SCRIB: variants seen among roughly 807,000 people sequenced by gnomAD.
SCRIB encodes the protein protein scribble homolog.
A neutral mutation model predicts 170.0 loss-of-function variants in SCRIB; 72 were observed. The observed-to-expected ratio is 0.42, with a 90% CI of 0.35 to 0.52. The LOEUF (loss-of-function observed/expected upper bound fraction) is 0.52. Among genes scored for constraint, SCRIB ranks in the 20% least tolerant of loss-of-function variants. SCRIB has a pLI of 0.02. For synonymous variants in SCRIB, 1,298 were observed against 1,044.3 expected, an observed-to-expected ratio of 1.24 and a Z score of -4.68; for missense variants, 2,475 against 2,338.5, an observed-to-expected ratio of 1.06 and a Z score of -1.20.
chr8:143,798,347 C>T (rs1815029303), intron 24 of SCRIB, among the ~76,000 whole-genome samples: 2 of 138,258 alleles, frequency 1.4e-5, no homozygotes, highest in Non-Finnish European at 3.4e-5. Flanking sequence ...AGCAAAACCA[C>T]AGAATGATCT....
rs142132672 is a variant in SCRIB, at chr8:143,792,632, C to G, written c.4181G>C (p.Arg1394Thr). Residue 1394 changes from arginine to threonine, a missense_variant, in exon 31 of 37, where the codon AGA (arginine) becomes ACA (threonine). Transcript: ENST00000356994. ...CTGCGCTCTCTTCTGCTGTAGTTTTCTGGCTGCCGGAGGGCAGGGTGGGTC... is the reference window on the plus strand; with the variant it reads ...CTGCGCTCTCTTCTGCTGTAGTTTTGTGGCTGCCGGAGGGCAGGGTGGGTC... ...DLRKMQEEEARKLQQKRAQML... is the reference protein window; with the variant it reads ...DLRKMQEEEATKLQQKRAQML... The G allele has an allele frequency of 8.8e-6, 14 of 1,594,014 alleles. No individual in the cohort carries two copies. The highest frequency in any genetic ancestry group is 1.1e-5 in the Non-Finnish European group (13 of 1,177,600).
At chr8:143,796,232 C>T (rs555911640) in intron 24 of SCRIB, among the ~76,000 whole-genome samples, 4 of 152,148 alleles carry the variant, frequency 2.6e-5, no homozygotes, top group Non-Finnish European at 5.9e-5. Context: ...GAGCTGACTT[C>T]CAAGCCTGCG....
chr8:143,805,464 A>G (rs782719566), intron 18 of SCRIB, 29 bp from the exon 19 acceptor site: 1 of 1,450,332 alleles, frequency 6.9e-7, no homozygotes, highest in Non-Finnish European at 9.1e-7. Context: ...GTGCGTATTC[A>G]GGACCCAGTG....
intron 17 of SCRIB, 64 bp downstream of exon 17, chr8:143,806,860 A>AT: frequency 8.7e-7 from 1 of 1,149,934 alleles, no homozygotes; most frequent in Non-Finnish European, 1.3e-6. Context: ...CCTGTGTGCC[A>AT]TCAGTGTGAA....
rs781791451 is a variant in SCRIB, at chr8:143,806,516, A to T, written c.2269-32T>A. ...CACAGACACGAGCTTGGCAGGGGCC[A>T]GGGAGACGGGCCCGCATTCCTGCTC... On this transcript the variant is annotated intron_variant, in intron 17 of 36. Transcript: ENST00000356994. 7.8e-6 allele frequency: 12 copies of T among 1,532,602 alleles called. No homozygotes were observed. The South Asian group carries it at 1.4e-4, about 18-fold the overall frequency. The allele number at this position is 1,532,602 out of a possible 1,614,324, so 94.9% of individuals were successfully genotyped here. A position where few individuals can be genotyped will look rare whatever the true frequency, so the allele number is the denominator to read the frequency against.
At chr8:143,809,250 G>A (rs1250168333) in intron 14 of SCRIB, among the ~76,000 whole-genome samples, 1 of 152,140 alleles carries the variant, frequency 6.6e-6, no homozygotes, top group Non-Finnish European at 1.5e-5. Flanking sequence ...ACGAAGGGGT[G>A]CGCCAAGGCC....
At position 143,792,944 on chromosome 8, in the gene SCRIB, G is replaced by A. The variant is rs75020302; in HGVS notation, c.4017+32C>T. ...GCCCCCGGGCACCCACCCCAACCAC[G>A]CGCAGCAGGGAGGCGTGCTGCCCCC... On this transcript the variant is annotated intron_variant, in intron 29 of 36. Transcript: ENST00000356994. 3.5e-3 allele frequency: 5,222 copies of A among 1,499,982 alleles called. 155 individuals are homozygous for A. The African/African-American group carries it at 0.059, about 17-fold the overall frequency. The allele number at this position is 1,499,982 out of a possible 1,614,324, so 92.9% of individuals were successfully genotyped here. A position where few individuals can be genotyped will look rare whatever the true frequency, so the allele number is the denominator to read the frequency against.
chr8:143,804,004 T>C lies in SCRIB; in HGVS notation c.3120+42A>G, dbSNP rs200228226. ...CGCTGACCTGCGCTGGTACCTGGGATGGGTGCACCTCTCACAGAACCGCCT... is the reference window on the plus strand; with the variant it reads ...CGCTGACCTGCGCTGGTACCTGGGACGGGTGCACCTCTCACAGAACCGCCT... On this transcript the variant is annotated intron_variant, in intron 22 of 36. Transcript: ENST00000356994. The C allele has an allele frequency of 1.9e-3, 2,960 of 1,577,456 alleles. 34 individuals carry two copies. The Middle Eastern group carries it at 0.025, about 13-fold the overall frequency.
chr8:143,796,411 T>C (rs562738643), intron 24 of SCRIB, among the ~76,000 whole-genome samples: 52 of 152,170 alleles, frequency 3.4e-4, no homozygotes, highest in Middle Eastern at 3.4e-3. Context: ...CCCTGTACTG[T>C]TGGTTAAAAA....
intron 24 of SCRIB, among the ~76,000 whole-genome samples, chr8:143,797,505 A>G (rs1017607735): frequency 6.6e-6 from 1 of 152,224 alleles, no homozygotes; most frequent in Non-Finnish European, 1.5e-5. Context: ...ACAGCCTATT[A>G]TATGCTCTCA....
In SCRIB at chr8:143,810,711, G is replaced by A. The variant is rs967230746; in HGVS notation, c.1379C>T (p.Ala460Val). 1.9e-6 allele frequency: 3 copies of A among 1,605,470 alleles called. No individual in the cohort carries two copies. The highest frequency in any genetic ancestry group is 3.3e-5 in the Admixed American group (2 of 59,834). The change falls in exon 12 of 37, where the codon GCT becomes GTT. Residue 460 changes from alanine (A) to valine (V), a missense_variant. By Grantham distance (64) the Ala-to-Val change is moderately conservative. Around this residue, in one of 3 missense-constraint regions of SCRIB, gnomAD observed 1,966 missense variants for 1,742.9 expected, o/e 1.13. Coordinates refer to ENST00000356994, the MANE Select transcript of SCRIB (RefSeq NM_182706.5). Reference protein sequence around the residue: ...FLEAPIGDEDAEEAAAEKRGL... With the variant: ...FLEAPIGDEDVEEAAAEKRGL... ...CCGCTTCTCAGCTGCAGCTTCCTCA[G>A]CGTCCTCATCACCTATGGGGGCCTC...
Position 143,815,414 on chromosome 8 carries a change from G to A in SCRIB, c.-42C>T, listed in dbSNP as rs750194223. ...GCGGGCTCCGGCGGCGGCGCTCGGC[G>A]GGCTCGGGGCCGGGGGGCGGGGCTC... On this transcript the variant is annotated 5_prime_UTR_variant, in exon 1 of 37. Transcript: ENST00000356994. 4.0e-6 allele frequency: 5 copies of A among 1,251,376 alleles called. No individual in the cohort carries two copies. Among genetic ancestry groups the A allele is most frequent in the African/African-American group, 1.6e-5 (1 of 63,732 alleles). 77.5% of individuals were successfully genotyped at this position (1,251,376 alleles called of 1,614,324 possible). A position where few individuals can be genotyped will look rare whatever the true frequency, so the allele number is the denominator to read the frequency against.
At chr8:143,794,607 G>A (rs1468857178) in intron 27 of SCRIB, among the ~76,000 whole-genome samples, 4 of 151,954 alleles carry the variant, frequency 2.6e-5, no homozygotes, top group African/African-American at 9.7e-5. Context: ...TAAGGGGAGG[G>A]ATGGGCCTGC....
At position 143,806,460 on chromosome 8, in the gene SCRIB, C is replaced by T. The variant is rs781807121; in HGVS notation, c.2293G>A (p.Glu765Lys). The change falls in exon 18 of 37, where the codon GAG becomes AAG. Residue 765 changes from glutamate to lysine, a missense_variant. Transcript: ENST00000356994. ...CCAGCCCGGGCCGCAGGGCCTTCCT[C>T]GGACACCCGAGAGATGAATATGCCC... ...DEGIFISRVS[E>K]EGPAARAGVR... The T allele has an allele frequency of 1.4e-5, 23 of 1,603,348 alleles. No homozygotes were observed. Among genetic ancestry groups the T allele is most frequent in the South Asian group, 7.8e-5 (7 of 89,224 alleles).
chr8:143,798,592 C>A (rs1309887300), intron 24 of SCRIB, among the ~76,000 whole-genome samples: 2 of 152,200 alleles, frequency 1.3e-5, no homozygotes, highest in Non-Finnish European at 2.9e-5. Context: ...TGTGCCACCA[C>A]ACTCAGTTAA....
At position 143,792,338 on chromosome 8, in the gene SCRIB, G is replaced by T; in HGVS notation, c.4396C>A (p.Arg1466Ser). The stretch of plus-strand genomic sequence containing the variant: ...TGCACGCGCAGCCGCTCCTGGTGGC[G>T]CCGTTCAGCTTTGGCCGTCCGCACC... Reference protein sequence around the residue: ...APVRTAKAERRHQERLRVQSP... With the variant: ...APVRTAKAERSHQERLRVQSP... Residue 1466 changes from arginine (R) to serine (S), a missense_variant, in exon 32 of 37, where the codon CGC becomes AGC. This residue lies in a region of SCRIB where 1,966 missense variants were observed against 1,742.9 expected (regional missense o/e 1.13). Coordinates refer to ENST00000356994, the MANE Select transcript of SCRIB (RefSeq NM_182706.5). 6.5e-7 allele frequency: 1 copy of T among 1,544,194 alleles called. No homozygotes were observed.
In SCRIB at chr8:143,809,044, G is replaced by A; in HGVS notation, c.1699-19C>T. ...CCGTGGGCTGTGCGGACAAAAGGGT[G>A]AGGGTGGCCCCAGCTCTGTGGCTGT... On this transcript the variant is annotated intron_variant, in intron 14 of 36. Coordinates refer to ENST00000356994, the MANE Select transcript of SCRIB (RefSeq NM_182706.5). The A allele has an allele frequency of 6.3e-7, 1 of 1,598,148 alleles. No homozygotes were observed. Among genetic ancestry groups the A allele is most frequent in the Non-Finnish European group, 8.5e-7 (1 of 1,172,184 alleles).
At chr8:143,801,713 G>A (rs1304967498) in intron 24 of SCRIB, among the ~76,000 whole-genome samples, 1 of 152,314 alleles carries the variant, frequency 6.6e-6, no homozygotes, top group East Asian at 1.9e-4. Flanking sequence ...GAAAGAGGTA[G>A]CAGTGACGGG....
At chr8:143,812,062 C>T (rs147877031) in intron 9 of SCRIB, among the ~76,000 whole-genome samples, 136 of 152,298 alleles carry the variant, frequency 8.9e-4, no homozygotes, top group African/African-American at 3.0e-3. Context: ...TCACGGTAAA[C>T]GGCAAAGGCC....
Sources: gnomAD v4.1 joint callset for allele counts (sites outside exome capture counted in the v4.1 genomes callset) on GRCh38, gnomAD v4.1.1 for gene constraint, gnomAD v4.1.1 regional missense constraint, MANE v1.5 for transcripts, NCBI Gene and HGNC (gene_info 2026-07-23, HGNC 2026-07-21) for gene names.